Variants in CDH13 observed in about 807,000 individuals in gnomAD.
CDH13 encodes cadherin-13.
CDH13 carries 24 observed loss-of-function variants against 63.8 expected under a neutral mutation model. The observed-to-expected ratio is 0.38, with a 90% CI of 0.27 to 0.53. The LOEUF is 0.53. Ranked by LOEUF, CDH13 falls within the 20% of genes least tolerant of loss-of-function variation. The pLI is 0.85. For synonymous variants in CDH13, 503 were observed against 355.3 expected (o/e 1.42, Z -4.67); for missense variants, 1,049 against 903.1 (o/e 1.16, Z -2.07).
intron 11 of CDH13, among the ~76,000 whole-genome samples, chr16:83,775,598 C>T (rs995960784): frequency 6.6e-6 from 1 of 152,092 alleles, no homozygotes; most frequent in South Asian, 2.1e-4. Flanking sequence ...GGGTGTTTTG[C>T]TCAAATTGAC....
chr16:83,013,255 A>T (rs1258530738), intron 2 of CDH13, among the ~76,000 whole-genome samples: 1 of 152,162 alleles, frequency 6.6e-6, no homozygotes, highest in Admixed American at 6.5e-5. Flanking sequence ...TTCCAATAAA[A>T]CTTTATTTAC....
At chr16:82,967,393 G>A (rs1334729691) in intron 2 of CDH13, among the ~76,000 whole-genome samples, 1 of 152,080 alleles carries the variant, frequency 6.6e-6, no homozygotes, top group East Asian at 1.9e-4. Flanking sequence ...CCCCATTAGG[G>A]TGTATGCTCC....
At chr16:83,000,053 C>G (rs1178333041) in intron 2 of CDH13, among the ~76,000 whole-genome samples, 2 of 151,834 alleles carry the variant, frequency 1.3e-5, no homozygotes, top group Non-Finnish European at 2.9e-5. Flanking sequence ...AATATCCTGC[C>G]CAAAATGTCA....
chr16:82,870,789 A>C (rs537412460), intron 2 of CDH13, among the ~76,000 whole-genome samples: 6 of 152,224 alleles, frequency 3.9e-5, no homozygotes, highest in Non-Finnish European at 7.3e-5. Context: ...AAAAATTTAA[A>C]TTACTTTTTA....
intron 2 of CDH13, among the ~76,000 whole-genome samples, chr16:83,026,890 C>G (rs1915857153): frequency 6.6e-6 from 1 of 152,154 alleles, no homozygotes; most frequent in South Asian, 2.1e-4. Flanking sequence ...TCTGACTTCA[C>G]CAATGAGCTA....
intron 6 of CDH13, among the ~76,000 whole-genome samples, chr16:83,418,581 A>G (rs914876051): frequency 6.6e-6 from 1 of 152,146 alleles, no homozygotes. Context: ...TGTCTTGGAC[A>G]TTTGCTTGGA....
rs371559569 is a variant in CDH13 at position 83,027,995 on chromosome 16, T to C, written c.158-4015T>C. Among the ~76,000 whole-genome samples the C allele has an allele frequency of 3.2e-4, 49 of 152,284 alleles. No homozygotes were observed. The Middle Eastern group carries it at 0.01, about 32-fold the overall frequency. ...AATGTAGGTTCTCAGTAAATATTTA[T>C]GGTAGGAAGAAAGGGTGGGAAGAAG... On this transcript the variant is annotated intron_variant, in intron 2 of 13. Transcript: ENST00000567109.
chr16:83,198,322 T>TAC (rs10547222), intron 4 of CDH13, among the ~76,000 whole-genome samples: 8,566 of 144,532 alleles, frequency 0.059, 408 homozygotes, highest in East Asian at 0.13. Flanking sequence ...CACACACATG[T>TAC]ACACACACAC....
intron 1 of CDH13, among the ~76,000 whole-genome samples, chr16:82,682,238 A>G (rs939931394): frequency 6.6e-6 from 1 of 152,212 alleles, no homozygotes; most frequent in South Asian, 2.1e-4. Flanking sequence ...GGAAAGTGCT[A>G]AAAGTGCAGA....
intron 11 of CDH13, among the ~76,000 whole-genome samples, chr16:83,779,305 G>A (rs1186558588): frequency 6.7e-6 from 1 of 150,322 alleles, no homozygotes; most frequent in South Asian, 2.1e-4. Flanking sequence ...TACTCGGGAG[G>A]CTGAGGCAGG....
chr16:82,659,947 G>T (rs1911743112), intron 1 of CDH13, among the ~76,000 whole-genome samples: 4 of 152,118 alleles, frequency 2.6e-5, no homozygotes, highest in South Asian at 2.1e-4. Flanking sequence ...GGAAAGGGGG[G>T]AAAGTGACTC....
chr16:82,671,746 A>G (rs370039604), intron 1 of CDH13, among the ~76,000 whole-genome samples: 3 of 152,298 alleles, frequency 2.0e-5, no homozygotes, highest in African/African-American at 7.2e-5. Flanking sequence ...CAGATTTGGT[A>G]TTCTAAAGAC....
intron 7 of CDH13, among the ~76,000 whole-genome samples, chr16:83,597,023 G>C (rs1031850085): frequency 6.6e-6 from 1 of 152,226 alleles, no homozygotes; most frequent in African/African-American, 2.4e-5. Flanking sequence ...AGGAGTTCAA[G>C]ACCAGCCTGG....
chr16:83,257,385 C>G (rs914390925), intron 5 of CDH13, among the ~76,000 whole-genome samples: 1 of 152,072 alleles, frequency 6.6e-6, no homozygotes, highest in Non-Finnish European at 1.5e-5. Context: ...TTCAAGCAGA[C>G]CCCAAAGGCC....
chr16:83,263,497 A>G (rs1907225379), intron 5 of CDH13, among the ~76,000 whole-genome samples: 1 of 152,204 alleles, frequency 6.6e-6, no homozygotes, highest in Non-Finnish European at 1.5e-5. Context: ...ATTAAAGGAC[A>G]GATTCCTTGA....
At chr16:82,641,513 C>G (rs1341538262) in intron 1 of CDH13, among the ~76,000 whole-genome samples, 1 of 152,192 alleles carries the variant, frequency 6.6e-6, no homozygotes, top group Non-Finnish European at 1.5e-5. Flanking sequence ...TATTCTCTTT[C>G]CCACTAGATG....
intron 2 of CDH13, among the ~76,000 whole-genome samples, chr16:82,919,530 G>T (rs969593233): frequency 6.6e-6 from 1 of 152,126 alleles, no homozygotes; most frequent in African/African-American, 2.4e-5. Context: ...TTCCTGAAAA[G>T]GTCATGATCT....
intron 7 of CDH13, among the ~76,000 whole-genome samples, chr16:83,500,992 T>C (rs1037441588): frequency 1.3e-5 from 2 of 152,182 alleles, no homozygotes; most frequent in African/African-American, 4.8e-5. Flanking sequence ...GCATTCCAAA[T>C]GTTTTCAAAG....
chr16:83,372,580 C>T (rs184681545), intron 6 of CDH13, among the ~76,000 whole-genome samples: 70 of 151,752 alleles, frequency 4.6e-4, no homozygotes, highest in African/African-American at 1.7e-3. Context: ...GGTGAAACCC[C>T]ATCTCTACTA....
Sources: allele counts gnomAD v4.1 joint callset (sites outside exome capture counted in the v4.1 genomes callset), GRCh38; gene constraint gnomAD v4.1.1; transcripts MANE v1.5; gene names NCBI Gene and HGNC (gene_info 2026-07-23, HGNC 2026-07-21).